Variants in USP42 observed in about 807,000 individuals in gnomAD.
The protein encoded by USP42 is ubiquitin specific peptidase 42.
Under a neutral mutation model 113.0 loss-of-function variants are expected in USP42, and 23 were observed. The ratio of observed to expected loss-of-function variants is 0.20; its 90% confidence interval spans 0.15 to 0.29. The LOEUF (loss-of-function observed/expected upper bound fraction) is 0.29, where lower values mean the gene tolerates loss of function less well. Among genes scored for constraint, USP42 ranks in the 10% least tolerant of loss-of-function variants. USP42 has a pLI of 1.00. For missense variants in USP42, 2,174 were observed against 1,779.8 expected, an observed-to-expected ratio of 1.22 and a Z score of -3.99; for synonymous variants, 933 against 699.0, an observed-to-expected ratio of 1.33 and a Z score of -5.28.
chr7:6,126,826 A>G (rs2128491676), intron 3 of USP42, among the ~76,000 whole-genome samples: 1 of 152,316 alleles, frequency 6.6e-6, no homozygotes, highest in Admixed American at 6.5e-5. Flanking sequence ...GAGCTGCTAT[A>G]AACGTGAGTG....
chr7:6,139,936 C>T lies in USP42; in HGVS notation c.657-192C>T. 1 of 623,628 alleles carries T rather than the reference C, an allele frequency of 1.6e-6. No individual in the cohort carries two copies. The highest frequency in any genetic ancestry group is 2.9e-6 in the Non-Finnish European group (1 of 347,476). The allele number at this position is 623,628 out of a possible 1,614,324, so 38.6% of individuals were successfully genotyped here. On this transcript the variant is annotated intron_variant, in intron 5 of 17. Coordinates refer to ENST00000306177, the MANE Select transcript of USP42 (RefSeq NM_032172.3). This position sits in a 1 kb window ranked among gnomAD's most constrained non-coding sequence, Gnocchi z 4.5. ...CACAGCTCTGCGTCTCCTCCCGCCA[C>T]TCCCAGACCTCCCTGTGTTCTGGCC...
rs546633686 is a variant in USP42 at position 6,122,006 on chromosome 7, G to T, written c.442+6483G>T. Among the ~76,000 whole-genome samples, 4 of 152,146 alleles carry T rather than the reference G, an allele frequency of 2.6e-5. No individual in the cohort carries two copies. In the South Asian group the frequency reaches 8.3e-4, roughly 32 times the overall value. On this transcript the variant is annotated intron_variant, in intron 3 of 17. Coordinates refer to ENST00000306177, the MANE Select transcript of USP42 (RefSeq NM_032172.3). ...TGACCAGAAGTTTTTTAATGTTACT[G>T]ATCTTCTCAAAGAACGAGCTCTTGG...
chr7:6,144,696 C>T (rs6977856), intron 9 of USP42, among the ~76,000 whole-genome samples: 1,560 of 152,138 alleles, frequency 0.01, 28 homozygotes, highest in African/African-American at 0.036. Flanking sequence ...GTGGCAAAGC[C>T]CTGTTTCTAC....
At chr7:6,135,520 C>T (rs1458182272) in intron 3 of USP42, among the ~76,000 whole-genome samples, 2 of 151,292 alleles carry the variant, frequency 1.3e-5, no homozygotes, top group Middle Eastern at 3.2e-3. Context: ...GGCATGGTGG[C>T]GCATGTAGTA....
At chr7:6,093,628 C>T in the USP42 span, among the ~76,000 whole-genome samples, 2 of 149,120 alleles carry the variant, frequency 1.3e-5, no homozygotes, top group Non-Finnish European at 2.9e-5. Flanking sequence ...TCCCCCACCC[C>T]TCCCCTCTCC....
intron 11 of USP42, 75 bp downstream of exon 11, chr7:6,146,323 A>G: frequency 1.1e-6 from 1 of 926,266 alleles, no homozygotes; most frequent in South Asian, 1.7e-5. Context: ...GTTTGAATTC[A>G]ATATTCAGTG....
At position 6,159,147 on chromosome 7, in the gene USP42, ACTC is replaced by A. The variant is rs1332141773; in HGVS notation, c.3944-296_3944-294del. On this transcript the variant is annotated intron_variant, in intron 16 of 17. Coordinates refer to ENST00000306177, the MANE Select transcript of USP42 (RefSeq NM_032172.3). The surrounding 1 kb of genome is among the most constrained non-coding windows in gnomAD (Gnocchi z 4.1). ...TCGGCCCCTTGTCTTTCTCTTTCAA[ACTC>A]CTCCTCTGGCTCTGTTCCGCCCAGT... Among the ~76,000 whole-genome samples, 1 of 150,352 alleles carries A rather than the reference ACTC, an allele frequency of 6.7e-6. No homozygotes were observed. The highest frequency in any genetic ancestry group is 1.5e-5 in the Non-Finnish European group (1 of 67,504).
At chr7:6,125,325 C>A (rs1780474971) in intron 3 of USP42, among the ~76,000 whole-genome samples, 1 of 151,812 alleles carries the variant, frequency 6.6e-6, no homozygotes, top group South Asian at 2.1e-4. Context: ...TTTGTCTCTA[C>A]TAAAAATACA....
intron 1 of USP42, among the ~76,000 whole-genome samples, chr7:6,108,473 G>T (rs1193458143): frequency 6.6e-6 from 1 of 152,052 alleles, no homozygotes; most frequent in African/African-American, 2.4e-5. Context: ...GTACTTTTTT[G>T]TACTTTTACA....
rs970651009 is a variant in USP42 at position 6,160,997 on chromosome 7, A to C, written c.*479A>C. On this transcript the variant is annotated 3_prime_UTR_variant, in exon 18 of 18. Transcript: ENST00000306177. ...AGCTCTCACCTAGACTTTGGAGAGC[A>C]GTCTGTTTTCTGTAATGTCTGATAC... 1 of 152,678 alleles carries C rather than the reference A, an allele frequency of 6.5e-6. No homozygotes were observed. The highest frequency in any genetic ancestry group is 1.5e-5 in the Non-Finnish European group (1 of 68,042). 9.5% of individuals were successfully genotyped at this position (152,678 alleles called of 1,614,324 possible).
At position 6,111,187 on chromosome 7, in the gene USP42, T is replaced by A. The variant is rs751014430; in HGVS notation, c.54T>A (p.Asn18Lys). Reference sequence around the variant, plus strand: ...CTTCAGACCCATCAGCCTATCAGAATCAGCCTGGCAGCTCCGAGGCAGTCT... The same window carrying A: ...CTTCAGACCCATCAGCCTATCAGAAACAGCCTGGCAGCTCCGAGGCAGTCT... ...SESSDPSAYQ[N>K]QPGSSEAVSP... is the part of the protein sequence containing the mutation. Residue 18 changes from asparagine (N) to lysine (K), a missense_variant, in exon 2 of 18, where the codon AAT becomes AAA. Physicochemically the swap from Asn to Lys is moderately conservative, Grantham distance 94. Coordinates refer to ENST00000306177, the MANE Select transcript of USP42 (RefSeq NM_032172.3). 1.9e-6 allele frequency: 3 copies of A among 1,613,034 alleles called. No homozygotes were observed. The highest frequency in any genetic ancestry group is 2.2e-5 in the South Asian group (2 of 90,900).
chr7:6,087,134 C>T, the USP42 span, among the ~76,000 whole-genome samples: 4 of 149,358 alleles, frequency 2.7e-5, no homozygotes, highest in South Asian at 2.1e-4. Flanking sequence ...CATGTTCAAG[C>T]GATTCTCCTG....
intron 10 of USP42, 64 bp downstream of exon 10, chr7:6,145,720 C>G: frequency 6.5e-7 from 1 of 1,533,112 alleles, no homozygotes; most frequent in East Asian, 2.3e-5. Flanking sequence ...CAGTAGCATT[C>G]TTGGGGTAGG....
chr7:6,100,373 A>C (rs1790083350), upstream of USP42, among the ~76,000 whole-genome samples: 1 of 150,716 alleles, frequency 6.6e-6, no homozygotes, highest in Admixed American at 6.6e-5. Context: ...CTTGTTGCCC[A>C]GGCTGGAGTG....
At chr7:6,089,378 C>T in the USP42 span, among the ~76,000 whole-genome samples, 1 of 150,574 alleles carries the variant, frequency 6.6e-6, no homozygotes, top group East Asian at 2.0e-4. Context: ...TTGGCTACCC[C>T]TGGGAGGGGG....
At chr7:6,091,418 G>T in the USP42 span, among the ~76,000 whole-genome samples, 6 of 150,468 alleles carry the variant, frequency 4.0e-5, no homozygotes, top group South Asian at 4.2e-4. Flanking sequence ...TGTAGAGACA[G>T]GGTCTCCCTA....
the USP42 span, among the ~76,000 whole-genome samples, chr7:6,085,738 CT>C: frequency 6.6e-6 from 1 of 150,428 alleles, no homozygotes; most frequent in Non-Finnish European, 1.5e-5. Context: ...CCTCAGCTTC[CT>C]GAGTATCTGG....
In USP42 at chr7:6,154,233, C is replaced by G. The variant is rs1157288446; in HGVS notation, c.2679C>G (p.Pro893=). The change falls in exon 15 of 18, where the codon CCC becomes CCG. Residue 893 remains proline (P), a synonymous_variant. Coordinates refer to ENST00000306177, the MANE Select transcript of USP42 (RefSeq NM_032172.3). ...ACCCATCCCAGAGCTTGGGCGCACC[C>G]GAGGCCGCAGAGCGGCCGCCAGCTC... The part of the protein sequence containing the change: ...AQDPSQSLGA[P]EAAERPPAPV... 1.9e-6 allele frequency: 3 copies of G among 1,606,086 alleles called. No individual in the cohort carries two copies. Among genetic ancestry groups the G allele is most frequent in the Admixed American group, 1.7e-5 (1 of 59,664 alleles).
chr7:6,145,765 C>T, intron 10 of USP42, 109 bp downstream of exon 10: 2 of 1,251,018 alleles, frequency 1.6e-6, no homozygotes, highest in South Asian at 2.8e-5. Flanking sequence ...AATGTGAATA[C>T]CCGAGGTAAA....
Sources: gnomAD v4.1 joint callset for allele counts (sites outside exome capture counted in the v4.1 genomes callset) on GRCh38, gnomAD v4.1.1 for gene constraint, Gnocchi (gnomAD v3.1) non-coding constraint, MANE v1.5 for transcripts, NCBI Gene and HGNC (gene_info 2026-07-23, HGNC 2026-07-21) for gene names.